PDE10A: variants seen among roughly 807,000 people sequenced by gnomAD.
PDE10A encodes cAMP and cAMP-inhibited cGMP 3',5'-cyclic phosphodiesterase 10A.
PDE10A carries 39 observed loss-of-function variants against 97.7 expected under a neutral mutation model. The ratio of observed to expected loss-of-function variants is 0.40; its 90% CI spans 0.31 to 0.52. The LOEUF is 0.52. Among genes scored for constraint, PDE10A ranks in the 20% least tolerant of loss-of-function variants. The pLI is 0.56. For synonymous variants in PDE10A, 371 were observed against 376.8 expected, an observed-to-expected ratio of 0.98 and a Z score of 0.18; for missense variants, 731 against 1,047.8, an observed-to-expected ratio of 0.70 and a Z score of 4.17.
intron 1 of PDE10A, among the ~76,000 whole-genome samples, chr6:165,634,405 G>A (rs566152765): frequency 2.6e-5 from 4 of 152,288 alleles, no homozygotes; most frequent in African/African-American, 9.6e-5. Flanking sequence ...TTTATTAGCT[G>A]TGTGGCTGGT....
At position 165,343,408 on chromosome 6, in the gene PDE10A, C is replaced by CAT. The variant is rs1371489200; in HGVS notation, c.2876_2877dup (p.Ala960MetfsTer11). 1.2e-6 allele frequency: 2 copies of CAT among 1,612,470 alleles called. No homozygotes were observed. The highest frequency in any genetic ancestry group is 1.7e-6 in the Non-Finnish European group (2 of 1,178,552). ...GGACATACCTCAGCCCAGAATTCTG[C>CAT]ATATATATCATTTGCCGTCAATTTT... On this transcript the variant is annotated frameshift_variant, in exon 19 of 22. Transcript: ENST00000539869. LOFTEE classifies it high-confidence loss of function.
At chr6:165,674,521 C>A (rs1431466930) in intron 1 of PDE10A, among the ~76,000 whole-genome samples, 1 of 152,146 alleles carries the variant, frequency 6.6e-6, no homozygotes. Flanking sequence ...GAGACCACTG[C>A]CTGGCTTAGA....
chr6:165,839,854 T>A (rs1218899769), intron 1 of PDE10A, among the ~76,000 whole-genome samples: 5 of 53,436 alleles, frequency 9.4e-5, no homozygotes, highest in Non-Finnish European at 1.5e-4. Context: ...ATCATCTCCA[T>A]CCCTGTCTCC....
rs577452428 is a variant in PDE10A at position 165,646,683 on chromosome 6, C to T, written c.865+15264G>A. Among the ~76,000 whole-genome samples the T allele has an allele frequency of 5.3e-5, 8 of 152,280 alleles. No homozygotes were observed. The South Asian group carries it at 8.3e-4, about 16-fold the overall frequency. On this transcript the variant is annotated intron_variant, in intron 1 of 21. Coordinates refer to ENST00000539869, the MANE Select transcript of PDE10A (RefSeq NM_001385079.1). The stretch of plus-strand genomic sequence containing the variant: ...AAGACAGGCGAGCAGGAGTCAACAG[C>T]GGCATCGCCACCCACCTGCTCCCCT...
chr6:165,852,721 C>T (rs1485569800), intron 1 of PDE10A, among the ~76,000 whole-genome samples: 1 of 152,208 alleles, frequency 6.6e-6, no homozygotes, highest in Non-Finnish European at 1.5e-5. Flanking sequence ...ACAATGAACC[C>T]TGCTCCATGC....
intron 1 of PDE10A, chr6:165,781,888 C>T (rs1778349755): frequency 6.6e-6 from 1 of 152,062 alleles, no homozygotes; most frequent in Non-Finnish European, 1.5e-5. Flanking sequence ...CGAGGTTAGC[C>T]CAGTGAGACT....
intron 6 of PDE10A, among the ~76,000 whole-genome samples, chr6:165,433,581 C>T (rs1377675236): frequency 6.6e-6 from 1 of 151,952 alleles, no homozygotes; most frequent in Non-Finnish European, 1.5e-5. Context: ...CAAAAGTGTA[C>T]GTTAATAACA....
intron 1 of PDE10A, among the ~76,000 whole-genome samples, chr6:165,624,470 T>C (rs1172002738): frequency 1.3e-5 from 2 of 152,266 alleles, no homozygotes; most frequent in African/African-American, 4.8e-5. Context: ...TCAGCTCTGA[T>C]TGTCTCTTGC....
At chr6:165,394,461 C>T (rs1043427816) in intron 15 of PDE10A, among the ~76,000 whole-genome samples, 3 of 152,130 alleles carry the variant, frequency 2.0e-5, no homozygotes, top group Non-Finnish European at 4.4e-5. Flanking sequence ...TTTATCCAGT[C>T]TATCATTGAT....
At chr6:165,511,123 T>C (rs1199999925) in intron 2 of PDE10A, among the ~76,000 whole-genome samples, 1 of 152,054 alleles carries the variant, frequency 6.6e-6, no homozygotes, top group African/African-American at 2.4e-5. Context: ...CATTAGATTG[T>C]TTATTTGAAC....
At chr6:165,703,668 T>C (rs1349499837) in intron 1 of PDE10A, among the ~76,000 whole-genome samples, 4 of 152,246 alleles carry the variant, frequency 2.6e-5, no homozygotes, top group Non-Finnish European at 4.4e-5. Flanking sequence ...AATTTGCAGA[T>C]TTATTCCAAA....
chr6:165,410,892 T>C (rs888727510), intron 13 of PDE10A, among the ~76,000 whole-genome samples: 2 of 131,082 alleles, frequency 1.5e-5, no homozygotes, highest in Non-Finnish European at 3.2e-5. Context: ...ATCGAGACCA[T>C]CCTGGCTAAC....
At chr6:165,929,089 G>A (rs1382770823) in intron 1 of PDE10A, among the ~76,000 whole-genome samples, 1 of 152,174 alleles carries the variant, frequency 6.6e-6, no homozygotes, top group Non-Finnish European at 1.5e-5. Flanking sequence ...ACAGAAGGCT[G>A]TTTGGAGGAC....
intron 1 of PDE10A, among the ~76,000 whole-genome samples, chr6:165,614,923 T>A (rs1166140767): frequency 6.6e-6 from 1 of 151,334 alleles, no homozygotes. Flanking sequence ...GAAATACATG[T>A]AAAATAGGCC....
Position 165,327,898 on chromosome 6 carries a change from G to C in PDE10A, c.*5127C>G, listed in dbSNP as rs1213606331. On this transcript the variant is annotated 3_prime_UTR_variant, in exon 22 of 22. Transcript: ENST00000539869. Reference sequence around the variant, plus strand: ...ATATAACCTGTGTTACTCTCCAGTAGTTTTTGGTCAGCAAGATTATCAACA... The same window carrying C: ...ATATAACCTGTGTTACTCTCCAGTACTTTTTGGTCAGCAAGATTATCAACA... 3 of 152,182 alleles carry C rather than the reference G, an allele frequency of 2.0e-5. No individual in the cohort carries two copies. The highest frequency in any genetic ancestry group is 2.1e-4 in the South Asian group (1 of 4,832). The allele number at this position is 152,182 out of a possible 1,614,324, so 9.4% of individuals were successfully genotyped here.
intron 1 of PDE10A, among the ~76,000 whole-genome samples, chr6:165,803,931 C>G (rs752703729): frequency 3.3e-4 from 50 of 152,202 alleles, no homozygotes; most frequent in Non-Finnish European, 7.1e-4. Flanking sequence ...ATCTCCCCAA[C>G]CCCAGCTCAT....
intron 1 of PDE10A, among the ~76,000 whole-genome samples, chr6:165,645,433 T>C (rs372220331): frequency 6.6e-6 from 1 of 152,142 alleles, no homozygotes; most frequent in Non-Finnish European, 1.5e-5. Context: ...ACGTCTTTCT[T>C]CAAGGGAAAC....
chr6:165,750,843 A>G (rs983729758), intron 1 of PDE10A, among the ~76,000 whole-genome samples: 7 of 151,858 alleles, frequency 4.6e-5, no homozygotes, highest in African/African-American at 1.7e-4. Flanking sequence ...GGAGAAACAG[A>G]GGCACTGGCA....
At chr6:165,831,321 G>A (rs1383468871) in intron 1 of PDE10A, among the ~76,000 whole-genome samples, 5 of 123,442 alleles carry the variant, frequency 4.1e-5, no homozygotes, top group African/African-American at 1.5e-4. Flanking sequence ...GCAGTAAGCT[G>A]AGGTCGCGCC....
Sources: gnomAD v4.1 joint callset for allele counts (sites outside exome capture counted in the v4.1 genomes callset) on GRCh38, gnomAD v4.1.1 for gene constraint, MANE v1.5 for transcripts, NCBI Gene and HGNC (gene_info 2026-07-23, HGNC 2026-07-21) for gene names.